Variants in TRPS1 observed in about 807,000 individuals in gnomAD.
TRPS1 encodes the protein transcriptional repressor GATA binding 1, also known as zinc finger transcription factor Trps1.
Under a neutral mutation model 101.2 loss-of-function variants are expected in TRPS1, and 6 were observed. The ratio of observed to expected loss-of-function variants is 0.06; its 90% confidence interval spans 0.03 to 0.12. The LOEUF is 0.12. TRPS1 is among the 10% of genes least tolerant of loss of function. The pLI is 1.00. For missense variants in TRPS1, 1,363 were observed against 1,567.0 expected, an observed-to-expected ratio of 0.87 and a Z score of 2.20; for synonymous variants, 578 against 589.8, an observed-to-expected ratio of 0.98 and a Z score of 0.29.
intron 1 of TRPS1, among the ~76,000 whole-genome samples, chr8:115,637,567 T>A (rs558500222): frequency 1.7e-4 from 26 of 152,348 alleles, no homozygotes; most frequent in Admixed American, 1.7e-3. Flanking sequence ...CCAGAATTTA[T>A]GTGCTATGAT....
At chr8:115,557,420 T>C (rs1412312343) in intron 5 of TRPS1, among the ~76,000 whole-genome samples, 1 of 152,150 alleles carries the variant, frequency 6.6e-6, no homozygotes, top group Non-Finnish European at 1.5e-5. Flanking sequence ...TCTAATCTCA[T>C]CTTGAATTGC....
chr8:115,491,541 G>A (rs967365584), intron 5 of TRPS1, among the ~76,000 whole-genome samples: 6 of 152,220 alleles, frequency 3.9e-5, no homozygotes, highest in Middle Eastern at 3.4e-3. Flanking sequence ...TCAGGAGGTC[G>A]AAGAGAAGAG....
intron 5 of TRPS1, among the ~76,000 whole-genome samples, chr8:115,569,552 G>A (rs889184018): frequency 5.3e-5 from 8 of 152,044 alleles, no homozygotes; most frequent in Non-Finnish European, 8.8e-5. Context: ...TCAAGTTCTC[G>A]TATCCAGGTT....
chr8:115,622,859 T>A (rs1255119135), intron 2 of TRPS1, among the ~76,000 whole-genome samples: 1 of 152,096 alleles, frequency 6.6e-6, no homozygotes, highest in African/African-American at 2.4e-5. Flanking sequence ...AACGCCAGGG[T>A]GAGCGATTAG....
chr8:115,490,619 C>T (rs1009290912), intron 5 of TRPS1, among the ~76,000 whole-genome samples: 14 of 152,108 alleles, frequency 9.2e-5, no homozygotes, highest in Admixed American at 2.0e-4. Context: ...TAATCGTCTA[C>T]CTTTCTGCTG....
At chr8:115,575,185 A>G (rs1198465254) in intron 5 of TRPS1, among the ~76,000 whole-genome samples, 1 of 152,168 alleles carries the variant, frequency 6.6e-6, no homozygotes, top group Admixed American at 6.6e-5. Context: ...TATTGATAAT[A>G]GCAAAAAATA....
chr8:115,532,062 G>A (rs1816146171), intron 5 of TRPS1, among the ~76,000 whole-genome samples: 2 of 152,094 alleles, frequency 1.3e-5, no homozygotes, highest in Admixed American at 1.3e-4. Flanking sequence ...TCACGATGTT[G>A]AGATATTCAT....
intron 5 of TRPS1, among the ~76,000 whole-genome samples, chr8:115,574,536 T>C (rs1817274079): frequency 6.6e-6 from 1 of 152,154 alleles, no homozygotes; most frequent in Non-Finnish European, 1.5e-5. Flanking sequence ...TTTGTACTCT[T>C]TGCTTTAACA....
intron 3 of TRPS1, among the ~76,000 whole-genome samples, chr8:115,607,435 T>G (rs1329781702): frequency 4.6e-5 from 7 of 151,840 alleles, no homozygotes; most frequent in Middle Eastern, 3.4e-3. Flanking sequence ...TTTTTTTTTT[T>G]TTGTTAAACC....
intron 4 of TRPS1, among the ~76,000 whole-genome samples, chr8:115,596,526 T>A (rs993443294): frequency 6.6e-6 from 1 of 151,852 alleles, no homozygotes; most frequent in African/African-American, 2.4e-5. Context: ...TTTACATAAC[T>A]GAATCGAGAT....
chr8:115,464,814 C>T (rs1814278093), intron 5 of TRPS1, among the ~76,000 whole-genome samples: 1 of 151,986 alleles, frequency 6.6e-6, no homozygotes. Context: ...GTCAGGAACA[C>T]TTTTATGTCT....
At chr8:115,533,607 C>A (rs1369895689) in intron 5 of TRPS1, among the ~76,000 whole-genome samples, 1 of 151,920 alleles carries the variant, frequency 6.6e-6, no homozygotes, top group Non-Finnish European at 1.5e-5. Context: ...AATGTAGTTA[C>A]ATTCTGGTGC....
intron 3 of TRPS1, among the ~76,000 whole-genome samples, chr8:115,618,732 A>G (rs1350814365): frequency 6.6e-6 from 1 of 152,232 alleles, no homozygotes; most frequent in African/African-American, 2.4e-5. Flanking sequence ...CCTCACTGAA[A>G]GAAAGATTAT....
chr8:115,574,402 G>A (rs774435377), intron 5 of TRPS1, among the ~76,000 whole-genome samples: 2 of 152,128 alleles, frequency 1.3e-5, no homozygotes, highest in Non-Finnish European at 2.9e-5. Context: ...ACAAACAGAA[G>A]TGTGTCTTGT....
intron 5 of TRPS1, among the ~76,000 whole-genome samples, chr8:115,493,927 A>G (rs1815090143): frequency 6.6e-6 from 1 of 152,210 alleles, no homozygotes; most frequent in South Asian, 2.1e-4. Context: ...ACTGATTTAT[A>G]AAGGAAACTC....
At position 115,408,661 on chromosome 8, in the gene TRPS1, G is replaced by GT. The variant is rs1469300142; in HGVS notation, c.*5361dup. 6.6e-6 allele frequency: 1 copy of GT among 151,778 alleles called. No individual in the cohort carries two copies. Among genetic ancestry groups the GT allele is most frequent in the Non-Finnish European group, 1.5e-5 (1 of 67,826 alleles). 9.4% of individuals were successfully genotyped at this position (151,778 alleles called of 1,614,324 possible). A position where few individuals can be genotyped will look rare whatever the true frequency, so the allele number is the denominator to read the frequency against. On this transcript the variant is annotated 3_prime_UTR_variant, in exon 7 of 7. Transcript: ENST00000395715. ...ATAAAACGAAAAAATTTCATGTGTT[G>GT]TAAGAACAGAACTATTATAGCCAAC... is the stretch of plus-strand genomic sequence containing the variant.
At chr8:115,420,594 G>A (rs555455254) in intron 5 of TRPS1, among the ~76,000 whole-genome samples, 1 of 152,262 alleles carries the variant, frequency 6.6e-6, no homozygotes, top group South Asian at 2.1e-4. Flanking sequence ...ATGCCAAAGT[G>A]GGTGTAATCC....
intron 5 of TRPS1, among the ~76,000 whole-genome samples, chr8:115,426,868 T>C (rs992545434): frequency 2.0e-5 from 3 of 152,164 alleles, no homozygotes; most frequent in African/African-American, 7.2e-5. Context: ...TTACTATTAC[T>C]CTCCTTTTAT....
At chr8:115,639,979 A>G (rs1325263434) in intron 1 of TRPS1, among the ~76,000 whole-genome samples, 1 of 152,238 alleles carries the variant, frequency 6.6e-6, no homozygotes, top group African/African-American at 2.4e-5. Context: ...GTCAATACTC[A>G]GTAGTAGTTA....
Sources: gnomAD v4.1 joint callset for allele counts (sites outside exome capture counted in the v4.1 genomes callset) on GRCh38, gnomAD v4.1.1 for gene constraint, MANE v1.5 for transcripts, NCBI Gene and HGNC (gene_info 2026-07-23, HGNC 2026-07-21) for gene names.